The following DNMT3A variants were observed in gnomAD, a reference collection of about 807,000 sequenced individuals.
DNMT3A encodes the protein DNA methyltransferase 3 alpha.
A neutral mutation model predicts 117.6 loss-of-function variants in DNMT3A; 267 were observed. The observed-to-expected ratio is 2.27, with a 90% confidence interval of 2.05 to 2.51. The LOEUF (loss-of-function observed/expected upper bound fraction) is 2.51. DNMT3A is among the 30% of genes most tolerant of loss of function. DNMT3A has a pLI of 0.00. For synonymous variants in DNMT3A, 432 were observed against 474.8 expected (o/e 0.91, Z 1.17); for missense variants, 1,029 against 1,260.2 (o/e 0.82, Z 2.78).
chr2:25,305,174 C>T lies in DNMT3A; in HGVS notation c.73-4931G>A, dbSNP rs1573465824. 1.3e-5 allele frequency among the ~76,000 whole-genome samples: 2 copies of T among 152,254 alleles called. No homozygotes were observed. The highest frequency in any genetic ancestry group is 4.8e-5 in the African/African-American group (2 of 41,466). On this transcript the variant is annotated intron_variant, in intron 2 of 22. Transcript: ENST00000321117. The surrounding 1 kb of genome is among the most constrained non-coding windows in gnomAD (Gnocchi z 4.1). ...ACAACTGTGTACGAGGTTCCAGTGCCTCTCGGATCTTTACGATTCCAGATT... is the reference window on the plus strand; with the variant it reads ...ACAACTGTGTACGAGGTTCCAGTGCTTCTCGGATCTTTACGATTCCAGATT...
At position 25,282,229 on chromosome 2, in the gene DNMT3A, A is replaced by C. The variant is rs868723845; in HGVS notation, c.448+212T>G. On this transcript the variant is annotated intron_variant, in intron 4 of 22. Transcript: ENST00000321117. This position sits in a 1 kb window ranked among gnomAD's most constrained non-coding sequence, Gnocchi z 5.2. ...TTTTGATTTTTAAATACTGGCAACT[A>C]ATTTTTTAAATGTTTAAAACACTCT... 4.8e-6 allele frequency: 6 copies of C among 1,255,984 alleles called. No homozygotes were observed. The East Asian group carries it at 1.3e-4, about 26-fold the overall frequency. 77.8% of individuals were successfully genotyped at this position (1,255,984 alleles called of 1,614,324 possible).
Position 25,327,216 on chromosome 2 carries a change from A to G in DNMT3A, c.-177-13055T>C, listed in dbSNP as rs1366967302. ...GCCAATTCCTCATTATTCCAATCCA[A>G]TTAGAGTTAATAATTCGTTATGTGA... On this transcript the variant is annotated intron_variant, in intron 1 of 22. Coordinates refer to ENST00000321117, the MANE Select transcript of DNMT3A (RefSeq NM_022552.5). This position sits in a 1 kb window ranked among gnomAD's most constrained non-coding sequence, Gnocchi z 4.1. 1.3e-5 allele frequency among the ~76,000 whole-genome samples: 2 copies of G among 152,122 alleles called. No individual in the cohort carries two copies. Among genetic ancestry groups the G allele is most frequent in the African/African-American group, 2.4e-5 (1 of 41,420 alleles).
intron 9 of DNMT3A, 78 bp downstream of exon 9, chr2:25,246,973 A>G: frequency 6.5e-7 from 1 of 1,542,306 alleles, no homozygotes; most frequent in South Asian, 1.2e-5. Context: ...CGTTCTGCTC[A>G]AGCCCGACCT....
intron 17 of DNMT3A, among the ~76,000 whole-genome samples, chr2:25,241,003 G>A (rs1673961409): frequency 6.6e-6 from 1 of 152,178 alleles, no homozygotes; most frequent in Non-Finnish European, 1.5e-5. Context: ...CCAAGTGGAC[G>A]GCTGAGTCTG....
chr2:25,262,288 A>G (rs1306147873), intron 6 of DNMT3A, among the ~76,000 whole-genome samples: 2 of 152,104 alleles, frequency 1.3e-5, no homozygotes, highest in Non-Finnish European at 2.9e-5. Flanking sequence ...ACCCCCTCCT[A>G]AGAGAAAATA....
At chr2:25,316,720 C>T (rs565672431) in intron 1 of DNMT3A, among the ~76,000 whole-genome samples, 4 of 152,334 alleles carry the variant, frequency 2.6e-5, no homozygotes, top group Non-Finnish European at 1.5e-5. Context: ...CACCGCACAG[C>T]CCTGGCTGCT....
Position 25,247,138 on chromosome 2 carries a change from C to T in DNMT3A, c.1035G>A (p.Met345Ile). 6.2e-7 allele frequency: 1 copy of T among 1,614,088 alleles called. No individual in the cohort carries two copies. Among genetic ancestry groups the T allele is most frequent in the South Asian group, 1.1e-5 (1 of 91,070 alleles). Residue 345 changes from methionine (M) to isoleucine (I), a missense_variant, in exon 9 of 23, where the codon ATG becomes ATA. Physicochemically the swap from Met to Ile is conservative, Grantham distance 10 (BLOSUM62 1). Coordinates refer to ENST00000321117, the MANE Select transcript of DNMT3A (RefSeq NM_022552.5). This position sits in a 1 kb window ranked among gnomAD's most constrained non-coding sequence, Gnocchi z 5.6. ...KFSVVCVEKL[M>I]PLSSFCSAFH... ...ACGCACTGCAAAACGAGCTCAGCGG[C>T]ATCAGCTTCTCAACACACACCTGGG...
At chr2:25,319,306 G>A (rs776941774) in intron 1 of DNMT3A, among the ~76,000 whole-genome samples, 8 of 151,816 alleles carry the variant, frequency 5.3e-5, no homozygotes, top group Admixed American at 4.6e-4. Flanking sequence ...GAGCCACCAC[G>A]CCCGGGGTCT....
At position 25,234,454 on chromosome 2, in the gene DNMT3A, T is replaced by C. The variant is rs778490081; in HGVS notation, c.2598-34A>G. The C allele has an allele frequency of 2.5e-6, 4 of 1,595,016 alleles. No homozygotes were observed. Among genetic ancestry groups the C allele is most frequent in the African/African-American group, 2.7e-5 (2 of 74,470 alleles). Reference sequence around the variant, plus strand: ...GAAAAGGCAGAGAGGGCAGGGTGAGTGCTGGCCAGACCAGGCTGCCCGGAA... The same window carrying C: ...GAAAAGGCAGAGAGGGCAGGGTGAGCGCTGGCCAGACCAGGCTGCCCGGAA... On this transcript the variant is annotated intron_variant, in intron 22 of 22. Transcript: ENST00000321117. This position sits in a 1 kb window ranked among gnomAD's most constrained non-coding sequence, Gnocchi z 4.5.
chr2:25,243,165 C>T (rs972410439), intron 16 of DNMT3A, among the ~76,000 whole-genome samples: 2 of 152,048 alleles, frequency 1.3e-5, no homozygotes, highest in African/African-American at 2.4e-5. Flanking sequence ...ATTAGCTGGG[C>T]GTGGTGGTGG....
At chr2:25,280,000 A>C (rs2031766101) in intron 4 of DNMT3A, among the ~76,000 whole-genome samples, 1 of 152,050 alleles carries the variant, frequency 6.6e-6, no homozygotes, top group Non-Finnish European at 1.5e-5. Flanking sequence ...CTCAAGGCCA[A>C]ATTTTGGAGG....
chr2:25,285,230 T>C (rs748869117), intron 3 of DNMT3A, among the ~76,000 whole-genome samples: 5 of 152,120 alleles, frequency 3.3e-5, no homozygotes, highest in Non-Finnish European at 7.4e-5. Flanking sequence ...CCCCAGCCCC[T>C]CCCCTGCAAA....
rs2149288868 is a variant in DNMT3A, at chr2:25,244,194, C to T, written c.1812G>A (p.Arg604=). The T allele has an allele frequency of 6.2e-7, 1 of 1,613,912 alleles. No homozygotes were observed. Among genetic ancestry groups the T allele is most frequent in the Non-Finnish European group, 8.5e-7 (1 of 1,180,034 alleles). The change falls in exon 15 of 23, where the codon CGG becomes CGA. Residue 604 remains arginine, a synonymous_variant. Coordinates refer to ENST00000321117, the MANE Select transcript of DNMT3A (RefSeq NM_022552.5). Reference sequence around the variant, plus strand: ...GGTTATTAGCGAAGAACATCTGGAGCCGGGAGGGCCAGTCCTCTCGCCGCC... The same window carrying T: ...GGTTATTAGCGAAGAACATCTGGAGTCGGGAGGGCCAGTCCTCTCGCCGCC... The part of the protein sequence containing the change: ...LLRRREDWPS[R]LQMFFANNHD...
Position 25,232,740 on chromosome 2 carries a change from G to T in DNMT3A, c.*1539C>A. ...CTTGGTTTGAAACCTAAAGGGAAGG[G>T]TGTTGGGTTTTTGTTTTCTTAAAGA... On this transcript the variant is annotated 3_prime_UTR_variant, in exon 23 of 23. Coordinates refer to ENST00000321117, the MANE Select transcript of DNMT3A (RefSeq NM_022552.5). This position sits in a 1 kb window ranked among gnomAD's most constrained non-coding sequence, Gnocchi z 4.1. 5.5e-6 allele frequency: 1 copy of T among 180,602 alleles called. No individual in the cohort carries two copies. Among genetic ancestry groups the T allele is most frequent in the Non-Finnish European group, 1.2e-5 (1 of 84,512 alleles). The allele number at this position is 180,602 out of a possible 1,614,324, so 11.2% of individuals were successfully genotyped here.
intron 6 of DNMT3A, among the ~76,000 whole-genome samples, chr2:25,255,720 T>C (rs1197183205): frequency 6.6e-6 from 1 of 152,204 alleles, no homozygotes; most frequent in Non-Finnish European, 1.5e-5. Context: ...GGACAAGCAT[T>C]ATGATTTGTG....
In DNMT3A at chr2:25,304,656, G is replaced by T. The variant is rs1340552162; in HGVS notation, c.73-4413C>A. ...CACGGGGGTTCCCGGGGGCCAGGAG[G>T]ATCCAGCCAAGCTCCTCAGCTCATG... is the stretch of plus-strand genomic sequence containing the variant. On this transcript the variant is annotated intron_variant, in intron 2 of 22. Coordinates refer to ENST00000321117, the MANE Select transcript of DNMT3A (RefSeq NM_022552.5). The surrounding 1 kb of genome is among the most constrained non-coding windows in gnomAD (Gnocchi z 4.3). Among the ~76,000 whole-genome samples, 2 of 152,232 alleles carry T rather than the reference G, an allele frequency of 1.3e-5. No individual in the cohort carries two copies. Among genetic ancestry groups the T allele is most frequent in the Admixed American group, 6.5e-5 (1 of 15,290 alleles).
At chr2:25,319,812 C>T (rs1342785118) in intron 1 of DNMT3A, among the ~76,000 whole-genome samples, 1 of 151,910 alleles carries the variant, frequency 6.6e-6, no homozygotes. Context: ...CTCTCTAGCC[C>T]AGGCTGGAGT....
intron 6 of DNMT3A, among the ~76,000 whole-genome samples, chr2:25,274,175 G>A (rs899947879): frequency 6.6e-6 from 1 of 152,168 alleles, no homozygotes; most frequent in African/African-American, 2.4e-5. Flanking sequence ...ATCACCAGGT[G>A]TTCAGGCCAG....
intron 9 of DNMT3A, 133 bp from the exon 10 acceptor site, chr2:25,246,909 T>C (rs776462216): frequency 6.6e-5 from 98 of 1,496,022 alleles, no homozygotes; most frequent in Middle Eastern, 2.1e-4. Flanking sequence ...AGGAGCGGGA[T>C]GTGCATACGG....
Sources: allele counts gnomAD v4.1 joint callset (sites outside exome capture counted in the v4.1 genomes callset), GRCh38; gene constraint gnomAD v4.1.1; non-coding constraint Gnocchi (gnomAD v3.1); transcripts MANE v1.5; gene names NCBI Gene and HGNC (gene_info 2026-07-23, HGNC 2026-07-21).